The following LINGO2 variants were observed in gnomAD, a reference collection of about 807,000 sequenced individuals.
LINGO2 encodes leucine rich repeat and Ig domain containing 2.
LINGO2 carries 14 observed loss-of-function variants against 30.6 expected under a neutral mutation model. The ratio of observed to expected loss-of-function variants is 0.46; its 90% CI spans 0.30 to 0.72. The LOEUF (loss-of-function observed/expected upper bound fraction) is 0.72, where lower values mean the gene tolerates loss of function less well. Among genes scored for constraint, LINGO2 ranks in the 30% least tolerant of loss-of-function variants. The pLI is 0.07. For synonymous variants in LINGO2, 317 were observed against 288.5 expected, an observed-to-expected ratio of 1.10 and a Z score of -1.00; for missense variants, 729 against 751.7, an observed-to-expected ratio of 0.97 and a Z score of 0.35.
At chr9:29,109,928 C>T in the LINGO2 span, among the ~76,000 whole-genome samples, 5 of 152,142 alleles carry the variant, frequency 3.3e-5, no homozygotes, top group Admixed American at 6.5e-5. Context: ...GAAGCCTCTT[C>T]TATTCATAGG....
chr9:28,554,505 C>T (rs1037351605), intron 1 of LINGO2, among the ~76,000 whole-genome samples: 20 of 147,778 alleles, frequency 1.4e-4, no homozygotes, highest in African/African-American at 4.8e-4. Flanking sequence ...AAAGCAAGTC[C>T]TGAGTGACCT....
Position 28,526,055 on chromosome 9 carries a change from C to CAAAAAAAAAAAAAAAAAAAAAA in LINGO2, c.-364-50031_-364-50030insTTTTTTTTTTTTTTTTTTTTTT, listed in dbSNP as rs58629857. On this transcript the variant is annotated intron_variant, in intron 1 of 5. Transcript: ENST00000379992. ...TGGGTGACAGAGCGAGACTCCGTCT[C>CAAAAAAAAAAAAAAAAAAAAAA]AAAAAAAAAAAAAAAAAAAAAGCCA... is the stretch of plus-strand genomic sequence containing the variant. 1.2e-4 allele frequency among the ~76,000 whole-genome samples: 6 copies of CAAAAAAAAAAAAAAAAAAAAAA among 48,510 alleles called. 1 individual carries two copies. The highest frequency in any genetic ancestry group is 1.8e-4 in the Non-Finnish European group (5 of 27,268). The allele number at this position is 48,510 out of a possible 152,430, so 31.8% of individuals were successfully genotyped here. A position where few individuals can be genotyped will look rare whatever the true frequency, so the allele number is the denominator to read the frequency against.
the LINGO2 span, among the ~76,000 whole-genome samples, chr9:28,801,953 A>C: frequency 4.6e-5 from 7 of 152,016 alleles, no homozygotes; most frequent in African/African-American, 1.4e-4. Context: ...TTCTCACAGA[A>C]ACACTGTCAA....
At chr9:28,777,599 G>A in the LINGO2 span, among the ~76,000 whole-genome samples, 2 of 152,160 alleles carry the variant, frequency 1.3e-5, no homozygotes, top group Admixed American at 6.5e-5. Flanking sequence ...ATTTTAATAC[G>A]AGAGAGTTAC....
intron 4 of LINGO2, among the ~76,000 whole-genome samples, chr9:28,159,727 T>A (rs1828233935): frequency 6.6e-6 from 1 of 152,220 alleles, no homozygotes; most frequent in Middle Eastern, 3.2e-3. Flanking sequence ...TCTGGAACTC[T>A]GATAAACAAG....
chr9:28,976,434 A>T, the LINGO2 span, among the ~76,000 whole-genome samples: 1 of 152,174 alleles, frequency 6.6e-6, no homozygotes, highest in African/African-American at 2.4e-5. Context: ...CTATGGGAAG[A>T]TCATGCAATT....
At chr9:29,009,344 T>TA in the LINGO2 span, among the ~76,000 whole-genome samples, 5 of 152,126 alleles carry the variant, frequency 3.3e-5, no homozygotes, top group African/African-American at 9.7e-5. Context: ...AGTCTCAGGA[T>TA]AAAAAATCAA....
chr9:28,418,419 C>CA (rs1438267000), intron 2 of LINGO2, among the ~76,000 whole-genome samples: 2 of 151,600 alleles, frequency 1.3e-5, no homozygotes, highest in African/African-American at 4.8e-5. Context: ...GCTAGGATTA[C>CA]AGGCACCCAC....
chr9:27,990,842 T>C (rs979598329), intron 5 of LINGO2, among the ~76,000 whole-genome samples: 2 of 152,032 alleles, frequency 1.3e-5, no homozygotes, highest in African/African-American at 4.8e-5. Flanking sequence ...AAAGGTGTCA[T>C]GAAAACAGGG....
chr9:28,970,865 C>A, the LINGO2 span, among the ~76,000 whole-genome samples: 3 of 152,074 alleles, frequency 2.0e-5, no homozygotes, highest in Non-Finnish European at 2.9e-5. Context: ...AGACAGTGGA[C>A]GAGGAGGGCA....
intron 4 of LINGO2, among the ~76,000 whole-genome samples, chr9:28,277,837 C>CAAAAAA (rs765748438): frequency 3.7e-5 from 4 of 108,008 alleles, no homozygotes; most frequent in African/African-American, 1.4e-4. Context: ...CAAAACAAAA[C>CAAAAAA]AAAAAAAAAA....
At chr9:29,066,242 T>C in the LINGO2 span, among the ~76,000 whole-genome samples, 1 of 152,050 alleles carries the variant, frequency 6.6e-6, no homozygotes, top group Non-Finnish European at 1.5e-5. Flanking sequence ...GAACACACTA[T>C]AGAGAATTCA....
chr9:28,666,801 C>G (rs1190895049), intron 1 of LINGO2, among the ~76,000 whole-genome samples: 2 of 152,052 alleles, frequency 1.3e-5, no homozygotes, highest in African/African-American at 4.8e-5. Flanking sequence ...AAATATTTGG[C>G]CTTACTTTTG....
the LINGO2 span, among the ~76,000 whole-genome samples, chr9:29,003,629 C>T: frequency 4.6e-5 from 7 of 152,022 alleles, no homozygotes; most frequent in African/African-American, 1.7e-4. Flanking sequence ...GACTTAGAAG[C>T]TTAAGAAATA....
the LINGO2 span, among the ~76,000 whole-genome samples, chr9:29,096,529 G>A: frequency 7.2e-5 from 10 of 139,528 alleles, 3 homozygotes; most frequent in East Asian, 1.5e-3. Flanking sequence ...CAAGTGATCC[G>A]CCCGCCTTGG....
At chr9:28,064,781 C>G (rs1253451615) in intron 4 of LINGO2, among the ~76,000 whole-genome samples, 1 of 152,032 alleles carries the variant, frequency 6.6e-6, no homozygotes, top group East Asian at 1.9e-4. Context: ...AATCTGCTTG[C>G]CCAAACAAAA....
At position 28,449,457 on chromosome 9, in the gene LINGO2, A is replaced by C. The variant is rs572481215; in HGVS notation, c.-279+26483T>G. ...AAGCCAGAAAAGGAGTTTAATATTT[A>C]ATAGTTGGCCTGTTGCCAATGCTCT... On this transcript the variant is annotated intron_variant, in intron 2 of 5. Transcript: ENST00000379992. Among the ~76,000 whole-genome samples, 21 of 152,234 alleles carry C rather than the reference A, an allele frequency of 1.4e-4. No homozygotes were observed. In the East Asian group the frequency reaches 3.7e-3, roughly 27 times the overall value.
chr9:29,149,900 GT>G, the LINGO2 span, among the ~76,000 whole-genome samples: 2 of 152,188 alleles, frequency 1.3e-5, no homozygotes, highest in Non-Finnish European at 2.9e-5. Context: ...GAGCATGTGT[GT>G]TTTGCAGACC....
chr9:29,076,395 T>C, the LINGO2 span, among the ~76,000 whole-genome samples: 1 of 151,512 alleles, frequency 6.6e-6, no homozygotes, highest in Non-Finnish European at 1.5e-5. Context: ...ATAATTTTGA[T>C]AGGAATAAAC....
Sources: allele counts gnomAD v4.1 joint callset (sites outside exome capture counted in the v4.1 genomes callset), GRCh38; gene constraint gnomAD v4.1.1; transcripts MANE v1.5; gene names NCBI Gene and HGNC (gene_info 2026-07-23, HGNC 2026-07-21).